Variants in DMD observed in about 807,000 individuals in gnomAD.
DMD encodes mutant dystrophin.
A neutral mutation model predicts 330.1 loss-of-function variants in DMD; 63 were observed. The ratio of observed to expected loss-of-function variants is 0.19; its 90% confidence interval spans 0.16 to 0.24. DMD has a LOEUF of 0.24. DMD is among the 10% of genes least tolerant of loss of function. DMD has a pLI of 1.00. For missense variants in DMD, 3,344 were observed against 2,684.1 expected (o/e 1.25, Z -5.43); for synonymous variants, 1,223 against 959.8 (o/e 1.27, Z -5.07).
At chrX:32,352,226 C>A (rs1355373346) in intron 37 of DMD, among the ~76,000 whole-genome samples, 1 of 110,367 alleles carries the variant, frequency 9.1e-6, no homozygotes, top group Non-Finnish European at 1.9e-5. Flanking sequence ...GAACAAAATC[C>A]TTTTCACACA....
chrX:32,135,077 T>C (rs2146972308), intron 44 of DMD, among the ~76,000 whole-genome samples: 1 of 112,399 alleles, frequency 8.9e-6, no homozygotes, highest in Admixed American at 9.4e-5. Flanking sequence ...AGATATTGCC[T>C]AGACTGTCTA....
intron 11 of DMD, among the ~76,000 whole-genome samples, chrX:32,623,334 G>A (rs180677368): frequency 1.9e-3 from 211 of 111,220 alleles, no homozygotes; most frequent in Non-Finnish European, 3.6e-3. Context: ...ATATCAGAAG[G>A]TGAGTTTAAC....
chrX:31,804,578 T>C (rs1348765924), intron 50 of DMD, among the ~76,000 whole-genome samples: 2 of 111,937 alleles, frequency 1.8e-5, no homozygotes, highest in Non-Finnish European at 3.8e-5. Flanking sequence ...ATAAAATGTG[T>C]TTGATTTCTC....
At chrX:32,440,706 T>C (rs1447233561) in intron 28 of DMD, among the ~76,000 whole-genome samples, 2 of 111,951 alleles carry the variant, frequency 1.8e-5, no homozygotes, top group Non-Finnish European at 3.8e-5. Context: ...ACTTTAAAGA[T>C]ATATTTCCAA....
At chrX:32,983,572 CACAT>C (rs397894932) in intron 2 of DMD, among the ~76,000 whole-genome samples, 2,874 of 71,057 alleles carry the variant, frequency 0.04, 81 homozygotes, top group East Asian at 0.17. Context: ...CACACACACA[CACAT>C]ATAGGAACAC....
chrX:31,233,658 T>G (rs377343336), intron 63 of DMD, among the ~76,000 whole-genome samples: 20 of 112,222 alleles, frequency 1.8e-4, no homozygotes, highest in Middle Eastern at 4.6e-3. Flanking sequence ...CTCATCTGCT[T>G]TAACCTCATC....
chrX:31,257,433 C>T (rs1363830970), intron 63 of DMD, among the ~76,000 whole-genome samples: 1 of 110,786 alleles, frequency 9.0e-6, no homozygotes, highest in Non-Finnish European at 1.9e-5. Flanking sequence ...CACCAACTGA[C>T]TGTAGTTGAA....
intron 44 of DMD, among the ~76,000 whole-genome samples, chrX:32,015,007 A>G (rs933799318): frequency 7.1e-5 from 8 of 111,965 alleles, no homozygotes; most frequent in African/African-American, 2.0e-4. Flanking sequence ...AGATCTTAAC[A>G]TACTCTCAAA....
intron 9 of DMD, among the ~76,000 whole-genome samples, chrX:32,658,250 A>G (rs2060714393): frequency 9.0e-6 from 1 of 111,673 alleles, no homozygotes; most frequent in African/African-American, 3.3e-5. Context: ...AGTTAGCACA[A>G]GAGATGTCCC....
chrX:32,412,302 C>T (rs16990318), intron 29 of DMD: 31 of 787,831 alleles, frequency 3.9e-5, no homozygotes, highest in Non-Finnish European at 5.3e-5. Flanking sequence ...ATCGTCATCA[C>T]AATCCAATTC....
chrX:31,991,091 A>G (rs189616247), intron 44 of DMD, among the ~76,000 whole-genome samples: 1 of 112,006 alleles, frequency 8.9e-6, no homozygotes, highest in Admixed American at 9.5e-5. Context: ...TGTATAAGAA[A>G]TAAAAAGTGC....
chrX:33,002,850 G>GAAAAAAAAAAAAAAAAAAAAA (rs145168802), intron 2 of DMD, among the ~76,000 whole-genome samples: 14 of 38,747 alleles, frequency 3.6e-4, no homozygotes, highest in East Asian at 9.1e-4. Context: ...TTTTTTTCTC[G>GAAAAAAAAAAAAAAAAAAAAA]AAAAAAAAAA....
chrX:32,386,681 G>A (rs2147563149), intron 32 of DMD, among the ~76,000 whole-genome samples: 1 of 107,844 alleles, frequency 9.3e-6, no homozygotes, highest in South Asian at 4.1e-4. Context: ...TGTGTCATTT[G>A]CAGCTATTCT....
chrX:32,252,827 T>TATATAAGTATATAA lies in DMD; in HGVS notation c.6290+34701_6290+34702insTTATATACTTATAT, dbSNP rs1203985114. On this transcript the variant is annotated intron_variant, in intron 43 of 78. Transcript: ENST00000357033. ...ATAAATATATATAAGTATATAAATATATATAAATATATATAAATATATAAA... is the reference window on the plus strand; with the variant it reads ...ATAAATATATATAAGTATATAAATATATATAAGTATATAAATATAAATATATATAAATATATAAA... Among the ~76,000 whole-genome samples the TATATAAGTATATAA allele has an allele frequency of 1.1e-3, 59 of 54,628 alleles. 1 individual carries two copies. The highest frequency in any genetic ancestry group is 4.2e-3 in the African/African-American group (56 of 13,320). The allele number at this position is 54,628 out of a possible 115,157, so 47.4% of individuals were successfully genotyped here.
chrX:33,194,595 C>T (rs762151876), intron 1 of DMD, among the ~76,000 whole-genome samples: 3 of 111,359 alleles, frequency 2.7e-5, no homozygotes, highest in African/African-American at 9.8e-5. Context: ...ATGTCACATA[C>T]AAGCCTCTTT....
intron 1 of DMD, among the ~76,000 whole-genome samples, chrX:33,279,932 C>G (rs1479775643): frequency 4.8e-5 from 1 of 20,803 alleles, no homozygotes; most frequent in Non-Finnish European, 1.1e-4. Context: ...TTTGAGAGCT[C>G]TTTATGTAGT....
At chrX:32,874,652 C>T (rs987595516) in intron 2 of DMD, among the ~76,000 whole-genome samples, 3 of 111,637 alleles carry the variant, frequency 2.7e-5, no homozygotes, top group African/African-American at 6.5e-5. Flanking sequence ...CCTTAAAGCT[C>T]GGATTTGTCT....
At chrX:32,387,494 T>G (rs777218599) in intron 32 of DMD, among the ~76,000 whole-genome samples, 1 of 111,524 alleles carries the variant, frequency 9.0e-6, no homozygotes, top group African/African-American at 3.2e-5. Context: ...ATTGTTTTTA[T>G]GGAATTAGAA....
At chrX:33,082,698 C>G (rs1187533179) in intron 1 of DMD, among the ~76,000 whole-genome samples, 1 of 112,008 alleles carries the variant, frequency 8.9e-6, no homozygotes, top group Non-Finnish European at 1.9e-5. Context: ...AATTCCTGTC[C>G]TCTGGATGGT....
Sources: gnomAD v4.1 joint callset for allele counts (sites outside exome capture counted in the v4.1 genomes callset) on GRCh38, gnomAD v4.1.1 for gene constraint, MANE v1.5 for transcripts, NCBI Gene and HGNC (gene_info 2026-07-23, HGNC 2026-07-21) for gene names.